Variants in ROS1 observed in about 807,000 individuals in gnomAD.
The protein encoded by ROS1 is ROS proto-oncogene 1, receptor tyrosine kinase.
Under a neutral mutation model 273.5 loss-of-function variants are expected in ROS1, and 263 were observed. The observed-to-expected ratio is 0.96, with a 90% CI of 0.87 to 1.06. The LOEUF is 1.06. Ranked by LOEUF, ROS1 falls within the 50% of genes least tolerant of loss-of-function variation. ROS1 has a pLI of 0.00. For synonymous variants in ROS1, 1,008 were observed against 954.1 expected, an observed-to-expected ratio of 1.06 and a Z score of -1.04; for missense variants, 2,833 against 2,751.1, an observed-to-expected ratio of 1.03 and a Z score of -0.67.
At chr6:117,309,037 T>A (rs1183034986) in intron 41 of ROS1, 109 bp from the exon 42 acceptor site, 3 of 1,063,544 alleles carry the variant, frequency 2.8e-6, no homozygotes, top group Admixed American at 4.9e-5. Context: ...ACTTTGTCAG[T>A]GTATTATTGG....
intron 37 of ROS1, 148 bp downstream of exon 37, chr6:117,319,720 T>C (rs1776153553): frequency 3.1e-6 from 2 of 646,888 alleles, no homozygotes; most frequent in Non-Finnish European, 5.2e-6. Context: ...TTTTTTTAAA[T>C]GTGATTTCTG....
intron 43 of ROS1, among the ~76,000 whole-genome samples, chr6:117,296,664 TA>T (rs35323573): frequency 0.29 from 43,424 of 151,922 alleles, 6,713 homozygotes; most frequent in East Asian, 0.41. Context: ...GGAAGGGTAG[TA>T]AGGGACAGGG....
chr6:117,298,637 C>T (rs940552900), intron 43 of ROS1, among the ~76,000 whole-genome samples: 1 of 152,138 alleles, frequency 6.6e-6, no homozygotes, highest in African/African-American at 2.4e-5. Flanking sequence ...ACCAATATTT[C>T]CTATGGATAT....
intron 42 of ROS1, chr6:117,301,529 T>C (rs1774726483): frequency 6.2e-6 from 1 of 160,668 alleles, no homozygotes; most frequent in Admixed American, 6.5e-5. Flanking sequence ...TATACAGGTG[T>C]CCCTTTCCTC....
chr6:117,389,922 A>T (rs1772922496), intron 12 of ROS1, 76 bp from the exon 13 acceptor site: 1 of 1,296,626 alleles, frequency 7.7e-7, no homozygotes, highest in Non-Finnish European at 1.1e-6. Context: ...TAATTGCTTC[A>T]TTCTGTTGCA....
chr6:117,295,216 T>C (rs1041705569), intron 43 of ROS1, among the ~76,000 whole-genome samples: 1 of 152,186 alleles, frequency 6.6e-6, no homozygotes, highest in African/African-American at 2.4e-5. Flanking sequence ...TTTACAAAGA[T>C]GCCAAGAACA....
In ROS1 at chr6:117,344,156, T is replaced by G. The variant is rs768374292; in HGVS notation, c.4410A>C (p.Thr1470=). The change falls in exon 28 of 44, where the codon ACA becomes ACC. Residue 1470 remains threonine, a synonymous_variant. Transcript: ENST00000368507. Reference sequence around the variant, plus strand: ...GAGTAGGGCTGGTGATGCCATACCATGTGAGGTTTGTCTTGGCCAGAGGTA... The same window carrying G: ...GAGTAGGGCTGGTGATGCCATACCAGGTGAGGTTTGTCTTGGCCAGAGGTA... ...IRLPLAKTNL[T]WYGITSPTPT... The G allele has an allele frequency of 6.2e-7, 1 of 1,613,892 alleles. No homozygotes were observed. Among genetic ancestry groups the G allele is most frequent in the South Asian group, 1.1e-5 (1 of 91,084 alleles).
intron 42 of ROS1, among the ~76,000 whole-genome samples, chr6:117,302,219 C>A (rs1337250744): frequency 6.6e-6 from 1 of 152,136 alleles, no homozygotes; most frequent in African/African-American, 2.4e-5. Flanking sequence ...AACTTAGTCC[C>A]ACTATTTTAA....
chr6:117,341,005 T>A, intron 31 of ROS1, 130 bp downstream of exon 31: 1 of 634,242 alleles, frequency 1.6e-6, no homozygotes, highest in South Asian at 2.2e-5. Context: ...TGCTTCTGCA[T>A]GCCAAACATA....
At chr6:117,307,646 C>G (rs1259852460) in intron 42 of ROS1, among the ~76,000 whole-genome samples, 2 of 152,080 alleles carry the variant, frequency 1.3e-5, no homozygotes, top group African/African-American at 4.8e-5. Flanking sequence ...TCTGATCTCC[C>G]TGTAAACATC....
chr6:117,397,023 G>T lies in ROS1; in HGVS notation c.698C>A (p.Pro233His), dbSNP rs771923036. Residue 233 changes from proline (P) to histidine (H), a missense_variant, in exon 8 of 44, where the codon CCT becomes CAT. Physicochemically the swap from Pro to His is moderately conservative, Grantham distance 77. Transcript: ENST00000368507. ...SWDPPQFPGGPILGYNLRLIS... is the reference protein window; with the variant it reads ...SWDPPQFPGGHILGYNLRLIS... The stretch of plus-strand genomic sequence containing the variant: ...CAGCCTTAAGTTATAACCCAAAATA[G>T]GTCCACCTGGGAATTGAGGTGGATC... 1 of 1,613,648 alleles carries T rather than the reference G, an allele frequency of 6.2e-7. No homozygotes were observed. The highest frequency in any genetic ancestry group is 1.1e-5 in the South Asian group (1 of 91,066).
chr6:117,397,105 C>A lies in ROS1; in HGVS notation c.616G>T (p.Ala206Ser). The A allele has an allele frequency of 6.2e-7, 1 of 1,610,364 alleles. No individual in the cohort carries two copies. Residue 206 changes from alanine (A) to serine (S), a missense_variant, in exon 8 of 44, where the codon GCA becomes TCA. Ala to Ser is a moderately conservative substitution (Grantham distance 99). Transcript: ENST00000368507. ...CTCTCAATATTCCTAATCAAAGGTGCAGTTTCAGGAACTGGAAGAGATAAT... is the reference window on the plus strand; with the variant it reads ...CTCTCAATATTCCTAATCAAAGGTGAAGTTTCAGGAACTGGAAGAGATAAT... ...RTHPHGVPET[A>S]PLIRNIESSS... is the part of the protein sequence containing the mutation.
chr6:117,358,123 A>G (rs1582726969), intron 24 of ROS1, 114 bp from the exon 25 acceptor site: 1 of 671,310 alleles, frequency 1.5e-6, no homozygotes, highest in South Asian at 1.9e-5. Context: ...TGTAATCCCA[A>G]ACCTCAGCAA....
At chr6:117,355,732 T>A (rs1193462204) in intron 26 of ROS1, among the ~76,000 whole-genome samples, 1 of 151,954 alleles carries the variant, frequency 6.6e-6, no homozygotes, top group African/African-American at 2.4e-5. Flanking sequence ...TGTCTCAGCC[T>A]CCTGAGTAGC....
In ROS1 at chr6:117,288,657, G is replaced by T. The variant is rs764341045; in HGVS notation, c.6861C>A (p.Gly2287=). The change falls in exon 44 of 44, where the codon GGC becomes GGA. Residue 2287 remains glycine (G), a synonymous_variant. Transcript: ENST00000368507. The part of the protein sequence containing the change: ...QGEEKSEGPL[G]SQESESCGLR... ...GACCACAAGATTCAGATTCCTGGGAGCCTAGAGGACCCTCAGACTTTTCTT... is the reference window on the plus strand; with the variant it reads ...GACCACAAGATTCAGATTCCTGGGATCCTAGAGGACCCTCAGACTTTTCTT... 6.2e-7 allele frequency: 1 copy of T among 1,614,064 alleles called. No individual in the cohort carries two copies.
At chr6:117,375,301 A>G (rs1305873804) in intron 18 of ROS1, among the ~76,000 whole-genome samples, 1 of 152,202 alleles carries the variant, frequency 6.6e-6, no homozygotes, top group Non-Finnish European at 1.5e-5. Context: ...AAAGGGTGGG[A>G]GGAGGGTGAG....
intron 16 of ROS1, among the ~76,000 whole-genome samples, chr6:117,383,878 C>T (rs1328920550): frequency 6.6e-6 from 1 of 152,216 alleles, no homozygotes; most frequent in Admixed American, 6.5e-5. Flanking sequence ...ATGATGACAT[C>T]TCTCCTTGCT....
At position 117,383,583 on chromosome 6, in the gene ROS1, T is replaced by C. The variant is rs79670539; in HGVS notation, c.2290-75A>G. 2,667 of 1,114,600 alleles carry C rather than the reference T, an allele frequency of 2.4e-3. 43 individuals are homozygous for C. The African/African-American group carries it at 0.037, about 15-fold the overall frequency. 69.0% of individuals were successfully genotyped at this position (1,114,600 alleles called of 1,614,324 possible). On this transcript the variant is annotated intron_variant, in intron 16 of 43. Coordinates refer to ENST00000368507, the MANE Select transcript of ROS1 (RefSeq NM_001378902.1). Reference sequence around the variant, plus strand: ...TATTTCTGAATATTTATTGCAATCATTAATAAATTGCTTGATTAATCATTC... The same window carrying C: ...TATTTCTGAATATTTATTGCAATCACTAATAAATTGCTTGATTAATCATTC...
At chr6:117,328,051 G>C (rs1348805976) in intron 33 of ROS1, among the ~76,000 whole-genome samples, 3 of 152,210 alleles carry the variant, frequency 2.0e-5, no homozygotes. Context: ...AATGTCTACT[G>C]TTTCAAGCCA....
Sources: gnomAD v4.1 joint callset for allele counts (sites outside exome capture counted in the v4.1 genomes callset) on GRCh38, gnomAD v4.1.1 for gene constraint, MANE v1.5 for transcripts, NCBI Gene and HGNC (gene_info 2026-07-23, HGNC 2026-07-21) for gene names.